IMMT: variants seen among roughly 807,000 people sequenced by gnomAD.
The protein encoded by IMMT is inner membrane mitochondrial protein.
Under a neutral mutation model 92.7 loss-of-function variants are expected in IMMT, and 40 were observed. The ratio of observed to expected loss-of-function variants is 0.43; its 90% CI spans 0.34 to 0.56. The LOEUF is 0.56. Among genes scored for constraint, IMMT ranks in the 20% least tolerant of loss-of-function variants. The probability of loss-of-function intolerance (pLI) is 0.03; values close to 1 mark genes in which losing one functional copy is unlikely to be tolerated. For synonymous variants in IMMT, 322 were observed against 336.1 expected, an observed-to-expected ratio of 0.96 and a Z score of 0.46; for missense variants, 831 against 912.1, an observed-to-expected ratio of 0.91 and a Z score of 1.14.
intron 3 of IMMT, 94 bp downstream of exon 3, chr2:86,179,339 A>T (rs1018518189): frequency 3.4e-5 from 36 of 1,071,022 alleles, no homozygotes; most frequent in Non-Finnish European, 4.6e-5. Context: ...CTCTCCTTCA[A>T]GAATACCAAA....
At chr2:86,171,834 C>A (rs1217309016) in intron 4 of IMMT, among the ~76,000 whole-genome samples, 1 of 145,756 alleles carries the variant, frequency 6.9e-6, no homozygotes, top group African/African-American at 2.5e-5. Flanking sequence ...AAGAACAGAA[C>A]TGAGTTAAAA....
intron 12 of IMMT, among the ~76,000 whole-genome samples, 159 bp downstream of exon 12, chr2:86,151,138 G>A (rs1316874595): frequency 2.0e-5 from 3 of 152,036 alleles, no homozygotes; most frequent in African/African-American, 7.2e-5. Context: ...GGCTGGTCTC[G>A]AACTCCTGAC....
intron 9 of IMMT, chr2:86,159,178 C>T: frequency 3.1e-6 from 1 of 324,472 alleles, no homozygotes; most frequent in Non-Finnish European, 6.0e-6. Context: ...CTCAACCTCC[C>T]AGGCCCAAGT....
At position 86,155,897 on chromosome 2, in the gene IMMT, A is replaced by T. The variant is rs559413061; in HGVS notation, c.1163-2323T>A. ...GTAATACCGGTTGTCCCTGAGGAGG[A>T]AAACTGTGAGAGGGAAACTTCAAAT... On this transcript the variant is annotated intron_variant, in intron 10 of 14. Transcript: ENST00000410111. 5.3e-4 allele frequency among the ~76,000 whole-genome samples: 81 copies of T among 152,344 alleles called. 1 individual carries two copies. Among genetic ancestry groups the T allele is most frequent in the African/African-American group, 1.9e-3 (78 of 41,584 alleles).
In IMMT at chr2:86,160,037, C is replaced by T. The variant is rs372899906; in HGVS notation, c.897-366G>A. On this transcript the variant is annotated intron_variant, in intron 8 of 14. Coordinates refer to ENST00000410111, the MANE Select transcript of IMMT (RefSeq NM_006839.3). ...TCCGTAACTGACTGTGAACAATCAA[C>T]TGAGCTAACTCACTACCTTTGGACG... 29 of 155,650 alleles carry T rather than the reference C, an allele frequency of 1.9e-4. No homozygotes were observed. The East Asian group carries it at 3.5e-3, about 19-fold the overall frequency. 9.6% of individuals were successfully genotyped at this position (155,650 alleles called of 1,614,324 possible).
intron 9 of IMMT, among the ~76,000 whole-genome samples, chr2:86,159,092 ATTTT>A (rs764807615): frequency 6.9e-6 from 1 of 145,968 alleles, no homozygotes; most frequent in Non-Finnish European, 1.5e-5. Flanking sequence ...AAAAAAAAAA[ATTTT>A]TTTTTTTTTG....
At chr2:86,163,688 T>C (rs1676446156) in intron 7 of IMMT, among the ~76,000 whole-genome samples, 1 of 152,010 alleles carries the variant, frequency 6.6e-6, no homozygotes, top group African/African-American at 2.4e-5. Flanking sequence ...AAATGTTCTA[T>C]GTAGCCAGGT....
intron 13 of IMMT, 26 bp from the exon 14 acceptor site, chr2:86,146,223 G>GA (rs1200194356): frequency 1.3e-6 from 2 of 1,586,268 alleles, no homozygotes; most frequent in African/African-American, 2.7e-5. Context: ...AATAGTTCCA[G>GA]AAAAAAGTGA....
In IMMT at chr2:86,195,327, C is replaced by G; in HGVS notation, c.45+11G>C. 1 of 1,545,058 alleles carries G rather than the reference C, an allele frequency of 6.5e-7. No individual in the cohort carries two copies. ...GCCTCCTCACGCGCCTCCGGGAGCC[C>G]CAGTGCTCACCTGGGCGGCGGCGGT... On this transcript the variant is annotated intron_variant, in intron 1 of 14. Transcript: ENST00000410111.
At chr2:86,163,775 C>T (rs1054116344) in intron 7 of IMMT, among the ~76,000 whole-genome samples, 4 of 151,696 alleles carry the variant, frequency 2.6e-5, no homozygotes, top group African/African-American at 9.7e-5. Flanking sequence ...GAGTTCAAGA[C>T]CAGCATGGCC....
At chr2:86,170,125 A>T (rs1676979940) in intron 6 of IMMT, among the ~76,000 whole-genome samples, 1 of 151,668 alleles carries the variant, frequency 6.6e-6, no homozygotes, top group African/African-American at 2.4e-5. Flanking sequence ...TTAATAAAAG[A>T]CTCTTAGGGC....
chr2:86,154,339 A>G (rs557731666), intron 10 of IMMT, among the ~76,000 whole-genome samples: 63 of 149,252 alleles, frequency 4.2e-4, no homozygotes, highest in African/African-American at 1.5e-3. Flanking sequence ...CGCCTGGCTA[A>G]TTTTTATATT....
intron 2 of IMMT, among the ~76,000 whole-genome samples, chr2:86,180,447 G>C (rs964386519): frequency 3.3e-5 from 5 of 151,592 alleles, no homozygotes; most frequent in South Asian, 2.1e-4. Context: ...TTTATTTTTA[G>C]TAGAGACGGG....
chr2:86,181,396 A>T (rs749209965), intron 1 of IMMT, 24 bp from the exon 2 acceptor site: 2 of 1,557,394 alleles, frequency 1.3e-6, no homozygotes, highest in South Asian at 2.2e-5. Flanking sequence ...ACACATCACA[A>T]CCAATACAGT....
chr2:86,163,101 C>T (rs969190690), intron 7 of IMMT, among the ~76,000 whole-genome samples: 11 of 151,956 alleles, frequency 7.2e-5, no homozygotes, highest in African/African-American at 2.2e-4. Context: ...GTAGCAGGAT[C>T]GCTTAAGCCC....
At chr2:86,184,035 T>C (rs1672596240) in intron 1 of IMMT, among the ~76,000 whole-genome samples, 1 of 152,232 alleles carries the variant, frequency 6.6e-6, no homozygotes, top group African/African-American at 2.4e-5. Flanking sequence ...ACTGCCAAAT[T>C]AGCCAAACTG....
At chr2:86,162,474 T>C (rs1305333188) in intron 7 of IMMT, among the ~76,000 whole-genome samples, 1 of 152,066 alleles carries the variant, frequency 6.6e-6, no homozygotes, top group African/African-American at 2.4e-5. Context: ...TTCTTCTTAA[T>C]TTGTTACATA....
chr2:86,175,743 A>G (rs1376838251), intron 3 of IMMT, among the ~76,000 whole-genome samples: 1 of 151,486 alleles, frequency 6.6e-6, no homozygotes, highest in Admixed American at 6.6e-5. Context: ...AAAAAAATAG[A>G]AACACTAACT....
intron 10 of IMMT, among the ~76,000 whole-genome samples, chr2:86,157,800 AAAAG>A (rs1228214191): frequency 7.5e-6 from 1 of 132,908 alleles, no homozygotes; most frequent in African/African-American, 2.6e-5. Flanking sequence ...AAAAAAAAAA[AAAAG>A]AAAAAAAAAA....
Sources: allele counts gnomAD v4.1 joint callset (sites outside exome capture counted in the v4.1 genomes callset), GRCh38; gene constraint gnomAD v4.1.1; transcripts MANE v1.5; gene names NCBI Gene and HGNC (gene_info 2026-07-23, HGNC 2026-07-21).